PDE1A: variants seen among roughly 807,000 people sequenced by gnomAD.
PDE1A encodes the protein phosphodiesterase 1A.
Under a neutral mutation model 61.7 loss-of-function variants are expected in PDE1A, and 35 were observed. The observed-to-expected ratio is 0.57, with a 90% confidence interval of 0.43 to 0.75. The LOEUF is 0.75. Ranked by LOEUF, PDE1A falls within the 30% of genes least tolerant of loss-of-function variation. The pLI is 0.00. For missense variants in PDE1A, 597 were observed against 630.6 expected (o/e 0.95, Z 0.57); for synonymous variants, 232 against 213.2 (o/e 1.09, Z -0.77).
chr2:182,531,378 T>TAA, the PDE1A span, among the ~76,000 whole-genome samples: 46,943 of 145,306 alleles, frequency 0.32, 7,921 homozygotes, highest in East Asian at 0.39. Flanking sequence ...AAAAAGGTAG[T>TAA]AAAAAAAAAA....
At chr2:182,348,110 T>C (rs1484417975) in intron 1 of PDE1A, among the ~76,000 whole-genome samples, 1 of 152,208 alleles carries the variant, frequency 6.6e-6, no homozygotes, top group Admixed American at 6.5e-5. Context: ...TTGTCATTTA[T>C]TTGGGACCTA....
chr2:182,509,299 CAT>C (rs1179704388), intron 2 of PDE1A, among the ~76,000 whole-genome samples: 1 of 152,160 alleles, frequency 6.6e-6, no homozygotes, highest in Non-Finnish European at 1.5e-5. Context: ...AATGGTAGCA[CAT>C]GTCCTAGAGA....
the PDE1A span, among the ~76,000 whole-genome samples, chr2:182,693,637 C>CTT: frequency 1.6e-4 from 20 of 123,428 alleles, no homozygotes; most frequent in East Asian, 4.6e-4. Context: ...TGATAGTGTT[C>CTT]TTTTTTTTTT....
Position 182,386,647 on chromosome 2 carries a change from G to A in PDE1A, c.53+39931C>T, listed in dbSNP as rs532498209. Among the ~76,000 whole-genome samples, 189 of 149,846 alleles carry A rather than the reference G, an allele frequency of 1.3e-3. 8 individuals carry two copies. In the South Asian group the frequency reaches 0.034, roughly 27 times the overall value. On this transcript the variant is annotated intron_variant, in intron 1 of 13. Coordinates refer to ENST00000351439, the Ensembl canonical transcript of PDE1A. ...TGAGAAGCGAGGAGCCCCTCCGCCCGGCAGCCGCCCCATCTGAGAAGTGAG... is the reference window on the plus strand; with the variant it reads ...TGAGAAGCGAGGAGCCCCTCCGCCCAGCAGCCGCCCCATCTGAGAAGTGAG...
intron 2 of PDE1A, among the ~76,000 whole-genome samples, chr2:182,492,409 G>C (rs1360463174): frequency 6.6e-6 from 1 of 152,150 alleles, no homozygotes; most frequent in African/African-American, 2.4e-5. Context: ...ATTTTGAACA[G>C]GTGAGTGAGT....
intron 1 of PDE1A, among the ~76,000 whole-genome samples, chr2:182,345,002 C>T (rs1698434757): frequency 6.6e-6 from 1 of 152,174 alleles, no homozygotes; most frequent in Non-Finnish European, 1.5e-5. Flanking sequence ...TCTACCAGGT[C>T]TGCACTCTTC....
At chr2:182,653,867 C>T in the PDE1A span, among the ~76,000 whole-genome samples, 1 of 152,154 alleles carries the variant, frequency 6.6e-6, no homozygotes, top group Non-Finnish European at 1.5e-5. Context: ...CAGCTTCTGA[C>T]ACAAACGTGC....
the PDE1A span, among the ~76,000 whole-genome samples, chr2:182,637,148 A>T: frequency 6.6e-6 from 1 of 152,366 alleles, no homozygotes; most frequent in East Asian, 1.9e-4. Flanking sequence ...TCCTTTTATC[A>T]TGTAACATCT....
At chr2:182,667,584 C>A in the PDE1A span, among the ~76,000 whole-genome samples, 1 of 152,188 alleles carries the variant, frequency 6.6e-6, no homozygotes, top group African/African-American at 2.4e-5. Context: ...ACCCATATAA[C>A]AAATCATTCC....
chr2:182,249,781 C>T (rs1181982474), intron 2 of PDE1A, among the ~76,000 whole-genome samples: 1 of 148,766 alleles, frequency 6.7e-6, no homozygotes, highest in African/African-American at 2.4e-5. Flanking sequence ...AAAGGTAACA[C>T]CAATCCTTCA....
At chr2:182,426,818 G>T in exon 1 of PDE1A, 1 of 1,414,078 alleles carries the variant, frequency 7.1e-7, no homozygotes, top group Non-Finnish European at 9.2e-7. Flanking sequence ...GTCCATAGAG[G>T]CCACATAAGA....
At chr2:182,425,010 C>A (rs894337454) in intron 1 of PDE1A, among the ~76,000 whole-genome samples, 4 of 152,158 alleles carry the variant, frequency 2.6e-5, no homozygotes, top group African/African-American at 9.7e-5. Flanking sequence ...CATAAATAAG[C>A]ACAGAAGTGC....
chr2:182,611,964 C>T, the PDE1A span, among the ~76,000 whole-genome samples: 5 of 152,156 alleles, frequency 3.3e-5, no homozygotes, highest in Admixed American at 6.5e-5. Context: ...CTGACAAAAT[C>T]TCAACCTCAA....
At chr2:182,482,192 A>C (rs1426034275) in intron 2 of PDE1A, among the ~76,000 whole-genome samples, 1 of 151,964 alleles carries the variant, frequency 6.6e-6, no homozygotes, top group South Asian at 2.1e-4. Flanking sequence ...TAATAAATGT[A>C]GGAAGTAAAA....
the PDE1A span, among the ~76,000 whole-genome samples, chr2:182,599,335 G>T: frequency 6.6e-6 from 1 of 152,148 alleles, no homozygotes; most frequent in African/African-American, 2.4e-5. Context: ...TTATACCATG[G>T]TGGCCTTAGG....
rs373426684 is a variant in PDE1A, at chr2:182,379,889, G to A, written c.53+46689C>T. Among the ~76,000 whole-genome samples the A allele has an allele frequency of 2.0e-4, 30 of 152,182 alleles. 1 individual carries two copies. In the East Asian group the frequency reaches 5.6e-3, roughly 28 times the overall value. On this transcript the variant is annotated intron_variant, in intron 1 of 13. Transcript: ENST00000351439. ...GCCCCTTACTTTGTAGCAATTCACA[G>A]GCAAAGCTGGAAATTCTGGACTACC...
At chr2:182,214,813 A>ATGTG (rs1319563471) in intron 7 of PDE1A, among the ~76,000 whole-genome samples, 2 of 107,696 alleles carry the variant, frequency 1.9e-5, no homozygotes, top group African/African-American at 7.6e-5. Context: ...CACATTAATA[A>ATGTG]TGGGAGACTT....
intron 1 of PDE1A, among the ~76,000 whole-genome samples, chr2:182,316,979 C>G (rs529245986): frequency 6.6e-6 from 1 of 152,192 alleles, no homozygotes; most frequent in Admixed American, 6.5e-5. Context: ...ATTGTTCTTC[C>G]TCTGACCAGC....
At chr2:182,230,433 G>A (rs145515935) in intron 5 of PDE1A, among the ~76,000 whole-genome samples, 4 of 152,204 alleles carry the variant, frequency 2.6e-5, no homozygotes, top group Admixed American at 6.5e-5. Flanking sequence ...AGGCTAATTC[G>A]TAGAAGGGTA....
Sources: allele counts gnomAD v4.1 joint callset (sites outside exome capture counted in the v4.1 genomes callset), GRCh38; gene constraint gnomAD v4.1.1; transcripts MANE v1.5; gene names NCBI Gene and HGNC (gene_info 2026-07-23, HGNC 2026-07-21).